PTPRM: variants seen among roughly 807,000 people sequenced by gnomAD.
The protein encoded by PTPRM is protein tyrosine phosphatase receptor type M.
A neutral mutation model predicts 186.7 loss-of-function variants in PTPRM; 47 were observed. The observed-to-expected ratio is 0.25, with a 90% confidence interval of 0.20 to 0.32. The LOEUF is 0.32. PTPRM is among the 10% of genes least tolerant of loss of function. The pLI, the probability that PTPRM is intolerant of heterozygous loss-of-function variation, is 1.00. For synonymous variants in PTPRM, 668 were observed against 674.9 expected (o/e 0.99, Z 0.16); for missense variants, 1,494 against 1,865.0 (o/e 0.80, Z 3.66).
Position 7,707,467 on chromosome 18 carries a change from A to AAATAAT in PTPRM, c.74-66667_74-66662dup, listed in dbSNP as rs140187676. Reference sequence around the variant, plus strand: ...GCAACATAGTGAGAACCCTTCTCTAAAATAATAATAATAATAATAAAATTA... The same window carrying AAATAAT: ...GCAACATAGTGAGAACCCTTCTCTAAAATAATAATAATAATAATAATAATAAAATTA... On this transcript the variant is annotated intron_variant, in intron 1 of 32. Transcript: ENST00000580170. Among the ~76,000 whole-genome samples the AAATAAT allele has an allele frequency of 5.0e-4, 76 of 151,240 alleles. No homozygotes were observed. In the East Asian group the frequency reaches 9.4e-3, roughly 19 times the overall value.
chr18:8,121,524 C>G (rs568682091), intron 13 of PTPRM, among the ~76,000 whole-genome samples: 1 of 152,126 alleles, frequency 6.6e-6, no homozygotes. Context: ...AAGAAGCCAG[C>G]CTGGTCTGCT....
At chr18:7,785,314 A>G (rs1420793883) in intron 2 of PTPRM, among the ~76,000 whole-genome samples, 1 of 152,230 alleles carries the variant, frequency 6.6e-6, no homozygotes, top group Non-Finnish European at 1.5e-5. Context: ...AAATTTGGTT[A>G]GTAAATGAGT....
intron 1 of PTPRM, among the ~76,000 whole-genome samples, chr18:7,704,993 AAAT>A (rs1190510416): frequency 6.6e-6 from 1 of 152,152 alleles, no homozygotes; most frequent in African/African-American, 2.4e-5. Flanking sequence ...TATTCTGAGG[AAAT>A]AATATTTAAG....
intron 1 of PTPRM, among the ~76,000 whole-genome samples, chr18:7,577,387 T>C (rs748406743): frequency 1.3e-5 from 2 of 152,184 alleles, no homozygotes; most frequent in Non-Finnish European, 2.9e-5. Flanking sequence ...GACTGTACTC[T>C]AGGGGGATTT....
intron 2 of PTPRM, among the ~76,000 whole-genome samples, chr18:7,779,194 T>G (rs564760651): frequency 1.2e-4 from 19 of 152,350 alleles, no homozygotes; most frequent in African/African-American, 4.6e-4. Context: ...TCCCCTTAAG[T>G]TTTCTTACCT....
intron 1 of PTPRM, among the ~76,000 whole-genome samples, chr18:7,690,872 A>G (rs905387183): frequency 2.0e-5 from 3 of 152,194 alleles, no homozygotes; most frequent in Admixed American, 6.5e-5. Flanking sequence ...CTTCAAGTGT[A>G]TACTTCTTTT....
chr18:8,382,968 C>A (rs892641058), intron 29 of PTPRM, among the ~76,000 whole-genome samples: 2 of 152,134 alleles, frequency 1.3e-5, no homozygotes, highest in Non-Finnish European at 2.9e-5. Context: ...CCTTGCCTTT[C>A]CATAGGCCAC....
intron 1 of PTPRM, among the ~76,000 whole-genome samples, chr18:7,679,787 G>A (rs751970655): frequency 3.9e-5 from 6 of 152,082 alleles, no homozygotes; most frequent in Non-Finnish European, 8.8e-5. Flanking sequence ...GATTCTGTGA[G>A]TCTAAAACAA....
chr18:7,818,514 G>A lies in PTPRM; in HGVS notation c.196+44243G>A, dbSNP rs188993560. ...GGACTCTGAGGTTGTATTCATCTAT[G>A]TATCTACTCTAGAAGGTGGGATACA... On this transcript the variant is annotated intron_variant, in intron 2 of 32. Transcript: ENST00000580170. Among the ~76,000 whole-genome samples the A allele has an allele frequency of 1.1e-4, 17 of 152,264 alleles. No homozygotes were observed. The East Asian group carries it at 2.5e-3, about 22-fold the overall frequency.
At chr18:7,845,373 C>T (rs539887555) in intron 2 of PTPRM, among the ~76,000 whole-genome samples, 19 of 152,156 alleles carry the variant, frequency 1.2e-4, no homozygotes, top group Non-Finnish European at 2.4e-4. Flanking sequence ...CAAATGTCCA[C>T]GTCAACTTAT....
At chr18:7,871,072 T>C (rs2047961371) in intron 2 of PTPRM, among the ~76,000 whole-genome samples, 1 of 152,360 alleles carries the variant, frequency 6.6e-6, no homozygotes, top group Admixed American at 6.5e-5. Flanking sequence ...TAATGTGAAC[T>C]GCTATTACTT....
intron 19 of PTPRM, among the ~76,000 whole-genome samples, chr18:8,271,201 A>C (rs2094767517): frequency 1.3e-5 from 2 of 152,120 alleles, no homozygotes; most frequent in Admixed American, 1.3e-4. Flanking sequence ...ATTATTTACC[A>C]TGGATAGATA....
At chr18:7,916,988 T>A (rs541554245) in intron 4 of PTPRM, among the ~76,000 whole-genome samples, 3 of 152,316 alleles carry the variant, frequency 2.0e-5, no homozygotes, top group African/African-American at 7.2e-5. Context: ...ACTCTTGACT[T>A]CTGAGATCAA....
chr18:7,949,477 C>T, intron 6 of PTPRM, 122 bp downstream of exon 6: 1 of 828,712 alleles, frequency 1.2e-6, no homozygotes. Flanking sequence ...GGTTTGATGA[C>T]AGGCTATTTT....
chr18:8,213,336 G>A (rs1231217300), intron 14 of PTPRM, among the ~76,000 whole-genome samples: 2 of 152,186 alleles, frequency 1.3e-5, no homozygotes, highest in Admixed American at 6.5e-5. Flanking sequence ...TGGACTCCTT[G>A]TCAGCATTCT....
chr18:7,607,216 A>G (rs2037552850), intron 1 of PTPRM, among the ~76,000 whole-genome samples: 1 of 152,178 alleles, frequency 6.6e-6, no homozygotes, highest in African/African-American at 2.4e-5. Flanking sequence ...ACACAATTTT[A>G]ATGATGCAGA....
chr18:7,771,104 T>G (rs2042250870), intron 1 of PTPRM, among the ~76,000 whole-genome samples: 1 of 152,216 alleles, frequency 6.6e-6, no homozygotes, highest in South Asian at 2.1e-4. Flanking sequence ...TGCATGCTTT[T>G]GCTTTATATG....
At chr18:8,175,661 A>T (rs1291694900) in intron 14 of PTPRM, among the ~76,000 whole-genome samples, 5 of 152,194 alleles carry the variant, frequency 3.3e-5, no homozygotes, top group Non-Finnish European at 5.9e-5. Context: ...AAAGCTAATG[A>T]ACTGTAGCTC....
rs573281371 is a variant in PTPRM at position 8,201,209 on chromosome 18, G to A, written c.2301-42849G>A. On this transcript the variant is annotated intron_variant, in intron 14 of 32. Coordinates refer to ENST00000580170, the MANE Select transcript of PTPRM (RefSeq NM_001105244.2). ...TGCGCACCTGTAGCCCCAGCTACTCGGGAAGCTGAGGCAGGAGAATTGCTT... is the reference window on the plus strand; with the variant it reads ...TGCGCACCTGTAGCCCCAGCTACTCAGGAAGCTGAGGCAGGAGAATTGCTT... 7.2e-5 allele frequency among the ~76,000 whole-genome samples: 11 copies of A among 152,250 alleles called. No homozygotes were observed. In the East Asian group the frequency reaches 1.4e-3, roughly 19 times the overall value.
Sources: gnomAD v4.1 joint callset for allele counts (sites outside exome capture counted in the v4.1 genomes callset) on GRCh38, gnomAD v4.1.1 for gene constraint, MANE v1.5 for transcripts, NCBI Gene and HGNC (gene_info 2026-07-23, HGNC 2026-07-21) for gene names.